Variants in ARHGEF1 observed in about 807,000 individuals in gnomAD.
The protein encoded by ARHGEF1 is Rho guanine nucleotide exchange factor 1.
In ARHGEF1, 40 loss-of-function variants were observed where a neutral mutation model predicts 119.7. The ratio of observed to expected loss-of-function variants is 0.33; its 90% confidence interval spans 0.26 to 0.44. The LOEUF (loss-of-function observed/expected upper bound fraction) is 0.44, where lower values mean the gene tolerates loss of function less well. Among genes scored for constraint, ARHGEF1 ranks in the 20% least tolerant of loss-of-function variants. ARHGEF1 has a pLI of 1.00. For missense variants in ARHGEF1, 976 were observed against 1,268.3 expected, an observed-to-expected ratio of 0.77 and a Z score of 3.50; for synonymous variants, 494 against 521.0, an observed-to-expected ratio of 0.95 and a Z score of 0.71.
chr19:41,925,877 G>A (rs374716268), intron 1 of ARHGEF1, among the ~76,000 whole-genome samples: 1 of 152,090 alleles, frequency 6.6e-6, no homozygotes, highest in Non-Finnish European at 1.5e-5. Flanking sequence ...GGAGGAGGAT[G>A]GGTGAGGGCC....
chr19:41,895,408 A>G lies in ARHGEF1; in HGVS notation c.937A>G (p.Asn313Asp), dbSNP rs2074467307. Reference protein sequence around the residue: ...GGVGMPSRDRNIGAPGQDTPG... With the variant: ...GGVGMPSRDRDIGAPGQDTPG... ...CGTGGGGATGCCCTCTCGGGACCGG[A>G]ATATCGGGGCTCCTGGGCAGGACAC... Residue 313 changes from asparagine to aspartate, a missense_variant, in exon 12 of 29, where the codon AAT (asparagine) becomes GAT (aspartate). Around this residue, in one of 3 missense-constraint regions of ARHGEF1, gnomAD observed 519 missense variants for 580.9 expected, o/e 0.89. Coordinates refer to ENST00000354532, the MANE Select transcript of ARHGEF1 (RefSeq NM_004706.4). 1 of 1,612,602 alleles carries G rather than the reference A, an allele frequency of 6.2e-7. No homozygotes were observed. The highest frequency in any genetic ancestry group is 8.5e-7 in the Non-Finnish European group (1 of 1,179,520).
chr19:41,895,996 G>A (rs2074478923), intron 12 of ARHGEF1, among the ~76,000 whole-genome samples: 1 of 152,152 alleles, frequency 6.6e-6, no homozygotes, highest in South Asian at 2.1e-4. Flanking sequence ...GCCTCCGTTT[G>A]CTTTTCTCTA....
chr19:41,917,924 CTGTG>C lies in ARHGEF1; in HGVS notation c.1866-5157_1866-5154del, dbSNP rs139810296. On this transcript the variant is annotated intron_variant, in intron 18 of 20. Coordinates refer to the ARHGEF1 transcript ENST00000599589. The surrounding 1 kb of genome is among the most constrained non-coding windows in gnomAD (Gnocchi z 4.8). ...GAAGCCAGCTCCCCGCGGTCACACA[CTGTG>C]TGTGTGTGTGCTCACACACCTGTCC... Among the ~76,000 whole-genome samples the C allele has an allele frequency of 6.6e-6, 1 of 151,800 alleles. No individual in the cohort carries two copies. The highest frequency in any genetic ancestry group is 1.5e-5 in the Non-Finnish European group (1 of 67,916).
In ARHGEF1 at chr19:41,883,296, G is replaced by A. The variant is rs1242716047; in HGVS notation, c.-20+7G>A. The A allele has an allele frequency of 2.9e-5, 5 of 175,062 alleles. No homozygotes were observed. The highest frequency in any genetic ancestry group is 5.1e-5 in the Non-Finnish European group (4 of 77,928). 10.8% of individuals were successfully genotyped at this position (175,062 alleles called of 1,614,324 possible). A position where few individuals can be genotyped will look rare whatever the true frequency, so the allele number is the denominator to read the frequency against. ...ACCTCCGCGCGGACACCAGGTACTC[G>A]GTCCCCGGCCCCGCCCGGCCTCCTC... On this transcript the variant is annotated splice_region_variant and intron_variant, in intron 1 of 28. Coordinates refer to ENST00000354532, the MANE Select transcript of ARHGEF1 (RefSeq NM_004706.4). The surrounding 1 kb of genome is among the most constrained non-coding windows in gnomAD (Gnocchi z 7.6).
At chr19:41,919,713 G>A (rs1555852254), upstream of ARHGEF1, among the ~76,000 whole-genome samples, 1 of 152,096 alleles carries the variant, frequency 6.6e-6, no homozygotes, top group African/African-American at 2.4e-5. Flanking sequence ...AGCTGCCGGG[G>A]TCCTCTCAGG....
At chr19:41,919,657 G>A (rs1477073792), upstream of ARHGEF1, among the ~76,000 whole-genome samples, 1 of 151,970 alleles carries the variant, frequency 6.6e-6, no homozygotes, top group Non-Finnish European at 1.5e-5. Flanking sequence ...CAAGATTTTG[G>A]GGGCTCTTCC....
rs1344900783 is a variant in ARHGEF1, at chr19:41,907,226, G to A, written c.*139G>A. On this transcript the variant is annotated 3_prime_UTR_variant, in exon 29 of 29. Coordinates refer to ENST00000354532, the MANE Select transcript of ARHGEF1 (RefSeq NM_004706.4). ...AGAGGGAGCTGTGGGCCACGCCTGG[G>A]AGGGGCCCAGCTGGGGTTACTGGCC... 2.5e-5 allele frequency: 38 copies of A among 1,519,868 alleles called. No homozygotes were observed. The East Asian group carries it at 9.4e-4, about 37-fold the overall frequency. 94.1% of individuals were successfully genotyped at this position (1,519,868 alleles called of 1,614,324 possible). A position where few individuals can be genotyped will look rare whatever the true frequency, so the allele number is the denominator to read the frequency against.
chr19:41,917,706 A>G lies in ARHGEF1; in HGVS notation c.1866-5386A>G, dbSNP rs1054761989. ...ACCCATGGCCACACGTTCAGGCACAATCTGGGGACATATCTCTCCTTACGC... is the reference window on the plus strand; with the variant it reads ...ACCCATGGCCACACGTTCAGGCACAGTCTGGGGACATATCTCTCCTTACGC... On this transcript the variant is annotated intron_variant, in intron 18 of 20. Coordinates refer to the ARHGEF1 transcript ENST00000599589. The surrounding 1 kb of genome is among the most constrained non-coding windows in gnomAD (Gnocchi z 4.8). 1.3e-5 allele frequency among the ~76,000 whole-genome samples: 2 copies of G among 151,368 alleles called. No individual in the cohort carries two copies. Among genetic ancestry groups the G allele is most frequent in the Non-Finnish European group, 2.9e-5 (2 of 67,854 alleles).
chr19:41,896,863 A>ACCCCCTCCTCTCACCTC, intron 13 of ARHGEF1: 1 of 69,320 alleles, frequency 1.4e-5, no homozygotes, highest in South Asian at 7.4e-5. Flanking sequence ...TCTCTCACCT[A>ACCCCCTCCTCTCACCTC]CCCCCTCCTC....
chr19:41,904,240 A>G lies in ARHGEF1; in HGVS notation c.2018A>G (p.Asp673Gly). The change falls in exon 22 of 29, where the codon GAC becomes GGC. Residue 673 changes from aspartate to glycine, a missense_variant. Around this residue, in one of 3 missense-constraint regions of ARHGEF1, gnomAD observed 286 missense variants for 506.8 expected, o/e 0.56. Transcript: ENST00000354532. The surrounding 1 kb of genome is among the most constrained non-coding windows in gnomAD (Gnocchi z 8.4). ...GAGGTGCATGTGCTGCTGCTGGACG[A>G]CCTGCTGCTGCTGCTCCAGCGCCAG... ...AVEVHVLLLD[D>G]LLLLLQRQDE... 6.2e-7 allele frequency: 1 copy of G among 1,613,310 alleles called. No homozygotes were observed. The highest frequency in any genetic ancestry group is 8.5e-7 in the Non-Finnish European group (1 of 1,179,794).
chr19:41,896,314 C>G (rs1555847541), intron 12 of ARHGEF1, 63 bp from the exon 13 acceptor site: 1 of 891,844 alleles, frequency 1.1e-6, no homozygotes, highest in Non-Finnish European at 1.6e-6. Flanking sequence ...TTCCAGGCCC[C>G]CAGAGTGTGG....
rs2145895709 is a variant in ARHGEF1 at position 41,916,122 on chromosome 19, T to A, written c.1866-6970T>A. On this transcript the variant is annotated intron_variant, in intron 18 of 20. Transcript: ENST00000599589. This position sits in a 1 kb window ranked among gnomAD's most constrained non-coding sequence, Gnocchi z 5.4. ...GGCGCTGGGCAGGCGAGGGCCCTCC[T>A]CCCTTCTCTCCCTGCCAAGCACAAC... Among the ~76,000 whole-genome samples, 1 of 148,758 alleles carries A rather than the reference T, an allele frequency of 6.7e-6. No individual in the cohort carries two copies. Among genetic ancestry groups the A allele is most frequent in the South Asian group, 2.1e-4 (1 of 4,686 alleles).
Position 41,896,942 on chromosome 19 carries a change from C to G in ARHGEF1, c.1121+460C>G, listed in dbSNP as rs1396399104. 2.3e-5 allele frequency: 8 copies of G among 354,958 alleles called. No homozygotes were observed. The Admixed American group carries it at 2.9e-4, about 13-fold the overall frequency. The allele number at this position is 354,958 out of a possible 1,614,324, so 22.0% of individuals were successfully genotyped here. A position where few individuals can be genotyped will look rare whatever the true frequency, so the allele number is the denominator to read the frequency against. On this transcript the variant is annotated intron_variant, in intron 13 of 28. Coordinates refer to ENST00000354532, the MANE Select transcript of ARHGEF1 (RefSeq NM_004706.4). The stretch of plus-strand genomic sequence containing the variant: ...TCCCTCTTCCTCTCTCACCTCCCCC[C>G]TCCTCTCTCACCTTCCCCCTCCTCT...
exon 3 of ARHGEF1, chr19:41,930,039 T>G (rs2074895525): frequency 6.6e-6 from 1 of 152,252 alleles, no homozygotes; most frequent in Admixed American, 6.5e-5. Flanking sequence ...GCAGGGCGCA[T>G]GGAGCACAGC....
intron 7 of ARHGEF1, 65 bp from the exon 8 acceptor site, chr19:41,893,209 A>T: frequency 6.2e-7 from 1 of 1,602,732 alleles, no homozygotes; most frequent in Non-Finnish European, 8.5e-7. Context: ...CCTGAGATGT[A>T]TCCTGGGTGG....
At chr19:41,913,116 C>CG (rs1334751201) in intron 18 of ARHGEF1, among the ~76,000 whole-genome samples, 1 of 152,050 alleles carries the variant, frequency 6.6e-6, no homozygotes, top group Admixed American at 6.5e-5. Context: ...CAGCCGTTCC[C>CG]GGCCCCGAGA....
intron 1 of ARHGEF1, among the ~76,000 whole-genome samples, chr19:41,923,694 G>A (rs1322398985): frequency 1.7e-5 from 1 of 57,606 alleles, no homozygotes; most frequent in African/African-American, 8.3e-5. Context: ...GGAGGCAGGG[G>A]TGTGCTGGGA....
downstream of ARHGEF1, among the ~76,000 whole-genome samples, chr19:41,910,750 C>T (rs930995751): frequency 1.4e-4 from 22 of 152,128 alleles, no homozygotes; most frequent in Middle Eastern, 6.3e-3. The surrounding 1 kb of genome is among the most constrained non-coding windows in gnomAD (Gnocchi z 4.4). Flanking sequence ...CACATGCCCA[C>T]GGAAGACATG....
At chr19:41,908,527 G>C (rs1599670029), downstream of ARHGEF1, 1 of 1,231,720 alleles carries the variant, frequency 8.1e-7, no homozygotes. The surrounding 1 kb of genome is among the most constrained non-coding windows in gnomAD (Gnocchi z 6.7). Context: ...GAACTGGCCA[G>C]AGGGTTGGGG....
Sources: gnomAD v4.1 joint callset for allele counts (sites outside exome capture counted in the v4.1 genomes callset) on GRCh38, gnomAD v4.1.1 for gene constraint, gnomAD v4.1.1 regional missense constraint, Gnocchi (gnomAD v3.1) non-coding constraint, MANE v1.5 for transcripts, NCBI Gene and HGNC (gene_info 2026-07-23, HGNC 2026-07-21) for gene names.